Variants in PEX7 observed in about 807,000 individuals in gnomAD.
PEX7 encodes PTS2 receptor.
Under a neutral mutation model 47.5 loss-of-function variants are expected in PEX7, and 34 were observed. The ratio of observed to expected loss-of-function variants is 0.72; its 90% CI spans 0.54 to 0.95. The LOEUF (loss-of-function observed/expected upper bound fraction) is 0.95. Among genes scored for constraint, PEX7 ranks in the 40% least tolerant of loss-of-function variants. PEX7 has a pLI of 0.00. For missense variants in PEX7, 394 were observed against 400.3 expected, an observed-to-expected ratio of 0.98 and a Z score of 0.13; for synonymous variants, 141 against 148.8, an observed-to-expected ratio of 0.95 and a Z score of 0.38.
chr6:136,831,950 C>T (rs1774301134), intron 3 of PEX7, among the ~76,000 whole-genome samples: 1 of 152,202 alleles, frequency 6.6e-6, no homozygotes, highest in African/African-American at 2.4e-5. Flanking sequence ...AGTGAATCTA[C>T]CTTTCTGGGG....
At position 136,859,559 on chromosome 6, in the gene PEX7, C is replaced by T. The variant is rs529654572; in HGVS notation, c.527-7068C>T. Among the ~76,000 whole-genome samples the T allele has an allele frequency of 5.3e-5, 8 of 152,122 alleles. No individual in the cohort carries two copies. In the East Asian group the frequency reaches 9.7e-4, roughly 18 times the overall value. On this transcript the variant is annotated intron_variant, in intron 5 of 9. Transcript: ENST00000318471. ...TACATCTGAGAGGCACAAGGCATTT[C>T]GGTTAAGTTATATTGGCCCCAAAGT...
At chr6:136,901,288 T>C (rs1775749844) in intron 9 of PEX7, 1 of 152,282 alleles carries the variant, frequency 6.6e-6, no homozygotes, top group Non-Finnish European at 1.5e-5. Context: ...AGTTATCTAT[T>C]ACTGTGTAAT....
intron 9 of PEX7, among the ~76,000 whole-genome samples, chr6:136,909,579 G>A (rs758212393): frequency 6.6e-6 from 1 of 152,172 alleles, no homozygotes; most frequent in African/African-American, 2.4e-5. Flanking sequence ...TTGTTAGTTA[G>A]TAAAGTGCTT....
intron 6 of PEX7, among the ~76,000 whole-genome samples, chr6:136,869,565 T>G (rs532417072): frequency 6.6e-6 from 1 of 152,328 alleles, no homozygotes; most frequent in Non-Finnish European, 1.5e-5. Context: ...ATAAAATTTT[T>G]AATCCCCTAT....
chr6:136,875,088 G>A (rs1018091371), intron 8 of PEX7, among the ~76,000 whole-genome samples: 12 of 151,588 alleles, frequency 7.9e-5, no homozygotes, highest in African/African-American at 1.2e-4. Flanking sequence ...GCAGTGAGCC[G>A]AGATCGTGCC....
chr6:136,912,969 T>G (rs1009276369), intron 9 of PEX7, among the ~76,000 whole-genome samples: 3 of 152,186 alleles, frequency 2.0e-5, no homozygotes, highest in Non-Finnish European at 1.5e-5. Flanking sequence ...TCTGACACTG[T>G]CCCAGCTGGA....
Position 136,824,799 on chromosome 6 carries a change from G to A in PEX7, c.131-415G>A, listed in dbSNP as rs1774157765. On this transcript the variant is annotated intron_variant, in intron 1 of 9. Transcript: ENST00000318471. ...TGTGTTTTAGATTTACTGGTGAGGA[G>A]TGCAGTCCCTGGGGTCTGTAAGCCA... is the stretch of plus-strand genomic sequence containing the variant. Among the ~76,000 whole-genome samples the A allele has an allele frequency of 3.3e-5, 5 of 152,170 alleles. No homozygotes were observed. In the South Asian group the frequency reaches 1.0e-3, roughly 31 times the overall value.
chr6:136,843,016 A>C (rs1774529931), intron 3 of PEX7, among the ~76,000 whole-genome samples: 1 of 152,226 alleles, frequency 6.6e-6, no homozygotes, highest in Non-Finnish European at 1.5e-5. Context: ...TAAAGGGTGA[A>C]ACCAGCAGGG....
chr6:136,867,204 G>A (rs536627829), intron 6 of PEX7, among the ~76,000 whole-genome samples: 52 of 152,180 alleles, frequency 3.4e-4, no homozygotes, highest in African/African-American at 1.0e-3. Context: ...GTGTCCATGT[G>A]CAACTTTTTT....
At chr6:136,855,888 A>T (rs1774853609) in intron 5 of PEX7, 1 of 198,122 alleles carries the variant, frequency 5.0e-6, no homozygotes, top group Admixed American at 6.2e-5. Context: ...TAAATCTGAT[A>T]GTGACAAAAT....
At chr6:136,874,630 C>G (rs1382582703) in intron 8 of PEX7, among the ~76,000 whole-genome samples, 1 of 147,594 alleles carries the variant, frequency 6.8e-6, no homozygotes, top group Non-Finnish European at 1.5e-5. Context: ...AATCATACCA[C>G]TGCACTCCAG....
At chr6:136,831,721 C>A (rs572962473) in intron 3 of PEX7, among the ~76,000 whole-genome samples, 104 of 152,364 alleles carry the variant, frequency 6.8e-4, no homozygotes, top group African/African-American at 2.4e-3. Context: ...ACAAAGGGGC[C>A]ACAGGCCCCA....
At position 136,826,383 on chromosome 6, in the gene PEX7, A is replaced by G. The variant is rs745706327; in HGVS notation, c.253A>G (p.Thr85Ala). ...TGAGAACAACGAACATGTCCTCATC[A>G]CCTGTAGTGGCGATGGCTCGCTGCA... is the stretch of plus-strand genomic sequence containing the variant. ...WSENNEHVLI[T>A]CSGDGSLQLW... Residue 85 changes from threonine to alanine, a missense_variant, in exon 3 of 10, where the codon ACC becomes GCC. By Grantham distance (58) the Thr-to-Ala change is moderately conservative. Transcript: ENST00000318471. The G allele has an allele frequency of 6.2e-7, 1 of 1,613,698 alleles. No individual in the cohort carries two copies. The highest frequency in any genetic ancestry group is 8.5e-7 in the Non-Finnish European group (1 of 1,179,846).
intron 3 of PEX7, among the ~76,000 whole-genome samples, chr6:136,844,393 A>G (rs185057616): frequency 1.3e-4 from 20 of 152,216 alleles, no homozygotes; most frequent in Non-Finnish European, 1.5e-5. Context: ...AGAAAAATCT[A>G]AGTTGTACAG....
At chr6:136,870,089 T>A (rs1432308777) in intron 7 of PEX7, 86 bp downstream of exon 7, 8 of 869,606 alleles carry the variant, frequency 9.2e-6, no homozygotes, top group Non-Finnish European at 1.4e-5. Context: ...GTTCTGGGTT[T>A]AGGGATTGGA....
At chr6:136,892,823 A>G (rs1775580170) in intron 8 of PEX7, among the ~76,000 whole-genome samples, 1 of 152,248 alleles carries the variant, frequency 6.6e-6, no homozygotes, top group African/African-American at 2.4e-5. Flanking sequence ...ATTAATCACC[A>G]GGTTGTATTA....
intron 8 of PEX7, among the ~76,000 whole-genome samples, chr6:136,893,852 A>G (rs1775598932): frequency 6.6e-6 from 1 of 152,268 alleles, no homozygotes; most frequent in Admixed American, 6.5e-5. Flanking sequence ...TGACTAACTC[A>G]TAAGTTGAGT....
intron 3 of PEX7, among the ~76,000 whole-genome samples, chr6:136,830,896 GT>G (rs1458228102): frequency 3.7e-4 from 56 of 152,066 alleles, no homozygotes; most frequent in Admixed American, 3.7e-3. Context: ...ATCCATTGAG[GT>G]TTTTGAGCAT....
intron 5 of PEX7, among the ~76,000 whole-genome samples, chr6:136,850,266 T>C (rs1774716689): frequency 6.6e-6 from 1 of 152,170 alleles, no homozygotes; most frequent in South Asian, 2.1e-4. Flanking sequence ...GCACGTGAGA[T>C]GGGTCTCCTG....
Sources: gnomAD v4.1 joint callset for allele counts (sites outside exome capture counted in the v4.1 genomes callset) on GRCh38, gnomAD v4.1.1 for gene constraint, MANE v1.5 for transcripts, NCBI Gene and HGNC (gene_info 2026-07-23, HGNC 2026-07-21) for gene names.